The following UGT2B10 variants were observed in gnomAD, a reference collection of about 807,000 sequenced individuals.
UGT2B10 encodes the protein UDP glucuronosyltransferase family 2 member B10, also known as UDP-glucuronosyltransferase 2B10.
UGT2B10 carries 51 observed loss-of-function variants against 43.7 expected under a neutral mutation model. The ratio of observed to expected loss-of-function variants is 1.17; its 90% confidence interval spans 0.93 to 1.47. The LOEUF is 1.47. Ranked by LOEUF, UGT2B10 falls within the 40% of genes most tolerant of loss-of-function variation. The probability of loss-of-function intolerance (pLI) is 0.00; values close to 1 mark genes in which losing one functional copy is unlikely to be tolerated. For missense variants in UGT2B10, 696 were observed against 617.7 expected, an observed-to-expected ratio of 1.13 and a Z score of -1.34; for synonymous variants, 225 against 209.0, an observed-to-expected ratio of 1.08 and a Z score of -0.66.
Position 68,816,669 on chromosome 4 carries a change from T to A in UGT2B10, c.650T>A (p.Leu217His). ...AGGGTAAAAAATATGCTCTATGTGC[T>A]TTATTTTGACTTTTGGTTCCAAATA... ...MERVKNMLYV[L>H]YFDFWFQIFN... Residue 217 changes from leucine to histidine, a missense_variant, in exon 1 of 6, where the codon CTT (leucine) becomes CAT (histidine). Leu to His is a moderately conservative substitution (Grantham distance 99, BLOSUM62 -3). Coordinates refer to ENST00000265403, the MANE Select transcript of UGT2B10 (RefSeq NM_001075.6). 1 of 1,612,168 alleles carries A rather than the reference T, an allele frequency of 6.2e-7. No homozygotes were observed. Among genetic ancestry groups the A allele is most frequent in the Non-Finnish European group, 8.5e-7 (1 of 1,178,926 alleles).
At chr4:68,820,817 A>C (rs546403157) in intron 2 of UGT2B10, among the ~76,000 whole-genome samples, 9 of 152,086 alleles carry the variant, frequency 5.9e-5, no homozygotes, top group African/African-American at 1.9e-4. Context: ...TTTTTAAAAA[A>C]CTTTTCTTAC....
chr4:68,819,906 C>A (rs1459258563), intron 2 of UGT2B10, among the ~76,000 whole-genome samples: 1 of 152,008 alleles, frequency 6.6e-6, no homozygotes, highest in Non-Finnish European at 1.5e-5. Context: ...ATTATGCAAT[C>A]TCTTAAAAGA....
chr4:68,824,924 T>C (rs1737694390), intron 3 of UGT2B10, among the ~76,000 whole-genome samples: 1 of 152,130 alleles, frequency 6.6e-6, no homozygotes, highest in Non-Finnish European at 1.5e-5. Context: ...GCAATACTGG[T>C]TGGTAATACT....
At chr4:68,824,430 G>A (rs1737666009) in intron 3 of UGT2B10, among the ~76,000 whole-genome samples, 1 of 152,122 alleles carries the variant, frequency 6.6e-6, no homozygotes, top group Non-Finnish European at 1.5e-5. Flanking sequence ...GGACGCAGCA[G>A]AAGGAAATAT....
intron 2 of UGT2B10, among the ~76,000 whole-genome samples, chr4:68,819,678 T>C (rs545436384): frequency 1.3e-3 from 193 of 152,064 alleles, no homozygotes; most frequent in African/African-American, 4.4e-3. Flanking sequence ...CATAGGTGTC[T>C]GACAGAGAAG....
intron 1 of UGT2B10, among the ~76,000 whole-genome samples, chr4:68,817,526 G>A (rs1737276621): frequency 6.6e-6 from 1 of 151,532 alleles, no homozygotes; most frequent in South Asian, 2.1e-4. Context: ...ATGAGTAGTT[G>A]GTACAATGAT....
chr4:68,823,526 A>G (rs1206143397), intron 3 of UGT2B10, among the ~76,000 whole-genome samples: 1 of 152,128 alleles, frequency 6.6e-6, no homozygotes, highest in East Asian at 1.9e-4. Context: ...AAACTAGTAA[A>G]CTAGAGACTC....
chr4:68,824,268 C>T (rs1174239555), intron 3 of UGT2B10, among the ~76,000 whole-genome samples: 1 of 152,190 alleles, frequency 6.6e-6, no homozygotes, highest in Non-Finnish European at 1.5e-5. Flanking sequence ...AGCAGCTTGC[C>T]CTGCTGGACT....
At chr4:68,821,789 A>G (rs1206222630) in intron 2 of UGT2B10, among the ~76,000 whole-genome samples, 2 of 152,280 alleles carry the variant, frequency 1.3e-5, no homozygotes, top group South Asian at 2.1e-4. Flanking sequence ...TTTCCTCAGT[A>G]CTCATAGTTA....
chr4:68,818,500 A>G (rs9917967), intron 2 of UGT2B10, among the ~76,000 whole-genome samples: 3,094 of 151,970 alleles, frequency 0.02, 121 homozygotes, highest in African/African-American at 0.07. Flanking sequence ...AACACAGGTA[A>G]GTGCACAATT....
intron 3 of UGT2B10, among the ~76,000 whole-genome samples, chr4:68,823,188 A>G (rs1317388276): frequency 2.0e-5 from 3 of 152,066 alleles, no homozygotes; most frequent in African/African-American, 7.2e-5. Context: ...GAGTAAAAAG[A>G]ATGAATTCCA....
At chr4:68,820,083 C>T (rs1011444853) in intron 2 of UGT2B10, among the ~76,000 whole-genome samples, 1 of 151,860 alleles carries the variant, frequency 6.6e-6, no homozygotes, top group African/African-American at 2.4e-5. Flanking sequence ...GAAAGATTTC[C>T]CCACTCACAC....
intron 1 of UGT2B10, among the ~76,000 whole-genome samples, chr4:68,817,522 A>C (rs1737276288): frequency 6.6e-6 from 1 of 151,756 alleles, no homozygotes; most frequent in Non-Finnish European, 1.5e-5. Context: ...CCAAATGAGT[A>C]GTTGGTACAA....
At chr4:68,826,703 C>T (rs1372545581) in intron 4 of UGT2B10, among the ~76,000 whole-genome samples, 1 of 152,096 alleles carries the variant, frequency 6.6e-6, no homozygotes, top group African/African-American at 2.4e-5. Context: ...TGGTCAGAAT[C>T]AGAGGTAATC....
At chr4:68,825,255 T>TA (rs1316364709) in intron 3 of UGT2B10, among the ~76,000 whole-genome samples, 1 of 151,342 alleles carries the variant, frequency 6.6e-6, no homozygotes, top group Admixed American at 6.6e-5. Context: ...GTTACTTTTT[T>TA]TATACCAGAA....
Position 68,816,347 on chromosome 4 carries a change from C to G in UGT2B10, c.328C>G (p.Gln110Glu), listed in dbSNP as rs1737202370. 3 of 1,612,880 alleles carry G rather than the reference C, an allele frequency of 1.9e-6. No individual in the cohort carries two copies. Among genetic ancestry groups the G allele is most frequent in the Non-Finnish European group, 2.5e-6 (3 of 1,179,380 alleles). ...QKDTFWLPFS[Q>E]EQEILWAIND... ...AGATACATTTTGGTTACCTTTTTCA[C>G]AAGAACAAGAAATCCTGTGGGCAAT... The change falls in exon 1 of 6, where the codon CAA becomes GAA. Residue 110 changes from glutamine (Q) to glutamate (E), a missense_variant. Coordinates refer to ENST00000265403, the MANE Select transcript of UGT2B10 (RefSeq NM_001075.6).
chr4:68,818,980 G>A (rs866703178), intron 2 of UGT2B10, among the ~76,000 whole-genome samples: 2 of 151,830 alleles, frequency 1.3e-5, no homozygotes, highest in Non-Finnish European at 1.5e-5. Flanking sequence ...GGATTAAATT[G>A]CAGAAGGGCC....
chr4:68,818,028 G>A lies in UGT2B10; in HGVS notation c.719-1G>A. On this transcript the variant is annotated splice_acceptor_variant, in intron 1 of 5. Coordinates refer to ENST00000265403, the MANE Select transcript of UGT2B10 (RefSeq NM_001075.6). LOFTEE classifies it high-confidence loss of function. ...CTTCTTCTTTTCTTTATTCCTATCAGGAAGACCCACTACATTATCTGAGAC... is the reference window on the plus strand; with the variant it reads ...CTTCTTCTTTTCTTTATTCCTATCAAGAAGACCCACTACATTATCTGAGAC... The A allele has an allele frequency of 6.2e-7, 1 of 1,604,462 alleles. No individual in the cohort carries two copies. The highest frequency in any genetic ancestry group is 8.5e-7 in the Non-Finnish European group (1 of 1,176,848).
intron 2 of UGT2B10, among the ~76,000 whole-genome samples, chr4:68,821,735 G>A (rs1336782647): frequency 6.6e-6 from 1 of 152,126 alleles, no homozygotes; most frequent in Admixed American, 6.6e-5. Flanking sequence ...GCATTGTAGA[G>A]TAACGTAAAT....
Sources: allele counts gnomAD v4.1 joint callset (sites outside exome capture counted in the v4.1 genomes callset), GRCh38; gene constraint gnomAD v4.1.1; transcripts MANE v1.5; gene names NCBI Gene and HGNC (gene_info 2026-07-23, HGNC 2026-07-21).